OR2L13: variants seen among roughly 807,000 people sequenced by gnomAD.
OR2L13 encodes the protein olfactory receptor 2L13.
OR2L13 carries 14 observed loss-of-function variants against 15.3 expected under a neutral mutation model. The observed-to-expected ratio is 0.91, with a 90% CI of 0.60 to 1.43. The LOEUF (loss-of-function observed/expected upper bound fraction) is 1.43, where lower values mean the gene tolerates loss of function less well. Ranked by LOEUF, OR2L13 falls within the 40% of genes most tolerant of loss-of-function variation. The probability of loss-of-function intolerance (pLI) is 0.00; values close to 1 mark genes in which losing one functional copy is unlikely to be tolerated. For missense variants in OR2L13, 367 were observed against 387.9 expected, an observed-to-expected ratio of 0.95 and a Z score of 0.45; for synonymous variants, 152 against 142.9, an observed-to-expected ratio of 1.06 and a Z score of -0.45.
At chr1:247,991,729 A>G in the OR2L13 span, among the ~76,000 whole-genome samples, 1 of 149,824 alleles carries the variant, frequency 6.7e-6, no homozygotes, top group East Asian at 2.0e-4. Flanking sequence ...GTCATAAATC[A>G]ACGGGTCTAT....
the OR2L13 span, among the ~76,000 whole-genome samples, chr1:248,014,231 T>G: frequency 3.3e-5 from 5 of 152,096 alleles, no homozygotes; most frequent in Non-Finnish European, 7.4e-5. Flanking sequence ...AGGAAATATG[T>G]AGAAACAACT....
the OR2L13 span, chr1:247,975,446 C>T: frequency 1.3e-6 from 1 of 745,198 alleles, no homozygotes; most frequent in Non-Finnish European, 2.5e-6. Context: ...ACCTGTAGCA[C>T]CCACCTCACT....
At chr1:248,071,048 C>T in the OR2L13 span, among the ~76,000 whole-genome samples, 11 of 152,166 alleles carry the variant, frequency 7.2e-5, no homozygotes, top group East Asian at 1.5e-3. Flanking sequence ...ACCAGAGGTA[C>T]AAGGAGGAAC....
chr1:248,046,705 A>T, the OR2L13 span: 1 of 152,148 alleles, frequency 6.6e-6, no homozygotes, highest in African/African-American at 2.4e-5. Context: ...GTAAAGAAGG[A>T]CTGGATTCAT....
At chr1:248,025,059 C>T in the OR2L13 span, among the ~76,000 whole-genome samples, 6 of 151,764 alleles carry the variant, frequency 4.0e-5, no homozygotes, top group African/African-American at 1.5e-4. Context: ...ATGTCTAAAA[C>T]ACCAAAAGCA....
chr1:248,022,097 G>T, the OR2L13 span: 1 of 1,613,568 alleles, frequency 6.2e-7, no homozygotes, highest in Non-Finnish European at 8.5e-7. Flanking sequence ...TCATCTTCTT[G>T]GACACCCATC....
chr1:248,012,810 A>G, the OR2L13 span, among the ~76,000 whole-genome samples: 1 of 152,120 alleles, frequency 6.6e-6, no homozygotes, highest in Non-Finnish European at 1.5e-5. Flanking sequence ...AATTAAATAA[A>G]TGATTATTAA....
chr1:248,044,965 C>T, the OR2L13 span, among the ~76,000 whole-genome samples: 1 of 152,064 alleles, frequency 6.6e-6, no homozygotes, highest in Non-Finnish European at 1.5e-5. Context: ...GGTCTGCTAC[C>T]ACTCCATGGG....
chr1:248,000,308 A>G, the OR2L13 span, among the ~76,000 whole-genome samples: 2 of 152,114 alleles, frequency 1.3e-5, no homozygotes, highest in Non-Finnish European at 2.9e-5. Flanking sequence ...CAAGAAGACC[A>G]TCCTCCTTGG....
At chr1:248,028,140 CAAAAAAAAAAAA>C in the OR2L13 span, among the ~76,000 whole-genome samples, 2 of 37,784 alleles carry the variant, frequency 5.3e-5, no homozygotes, top group African/African-American at 1.9e-4. Flanking sequence ...GATTCCGTCT[CAAAAAAAAAAAA>C]AAAAAAAAAA....
the OR2L13 span, among the ~76,000 whole-genome samples, chr1:248,075,481 C>T: frequency 5.9e-5 from 9 of 152,224 alleles, no homozygotes; most frequent in East Asian, 7.7e-4. Flanking sequence ...AATGTAAAAG[C>T]GTTCCTATTT....
the OR2L13 span, among the ~76,000 whole-genome samples, chr1:247,959,290 T>C: frequency 6.6e-6 from 1 of 152,176 alleles, no homozygotes. Context: ...TTCTGGCTTG[T>C]AGAGTTTCTG....
At chr1:247,965,539 C>G in the OR2L13 span, 5 of 1,612,338 alleles carry the variant, frequency 3.1e-6, no homozygotes, top group Non-Finnish European at 4.2e-6. Flanking sequence ...GAACACCAGA[C>G]TCCACACTCC....
chr1:247,992,984 C>T, the OR2L13 span, among the ~76,000 whole-genome samples: 1 of 152,122 alleles, frequency 6.6e-6, no homozygotes, highest in Non-Finnish European at 1.5e-5. Flanking sequence ...TTTACATTCC[C>T]ACCAACAGTG....
the OR2L13 span, chr1:247,948,990 A>G: frequency 6.2e-7 from 1 of 1,613,612 alleles, no homozygotes; most frequent in Non-Finnish European, 8.5e-7. Flanking sequence ...CCTGTCCATG[A>G]TTCTTCTCAT....
At chr1:248,068,108 T>G in the OR2L13 span, among the ~76,000 whole-genome samples, 1 of 152,144 alleles carries the variant, frequency 6.6e-6, no homozygotes, top group African/African-American at 2.4e-5. Flanking sequence ...CTCTGAAGAC[T>G]TAAATGTCCC....
chr1:248,056,931 T>C, the OR2L13 span, among the ~76,000 whole-genome samples: 2 of 152,150 alleles, frequency 1.3e-5, no homozygotes, highest in African/African-American at 4.8e-5. Flanking sequence ...ATTACAGTCG[T>C]GAGCCACTGT....
At chr1:248,003,032 G>A in the OR2L13 span, 1 of 703,258 alleles carries the variant, frequency 1.4e-6, no homozygotes, top group East Asian at 2.5e-5. Context: ...TTCAGAACTT[G>A]TTATTGGTCT....
the OR2L13 span, among the ~76,000 whole-genome samples, chr1:247,996,543 A>G: frequency 0.034 from 5,131 of 152,294 alleles, 244 homozygotes; most frequent in African/African-American, 0.12. Context: ...GTAGAAGTGT[A>G]AAATAGTCAA....
Sources: gnomAD v4.1 joint callset for allele counts (sites outside exome capture counted in the v4.1 genomes callset) on GRCh38, gnomAD v4.1.1 for gene constraint, MANE v1.5 for transcripts, NCBI Gene and HGNC (gene_info 2026-07-23, HGNC 2026-07-21) for gene names.